The following DARS1 variants were observed in gnomAD, a reference collection of about 807,000 sequenced individuals.
The protein encoded by DARS1 is aspartate--tRNA ligase, cytoplasmic.
A neutral mutation model predicts 68.8 loss-of-function variants in DARS1; 51 were observed. The ratio of observed to expected loss-of-function variants is 0.74; its 90% CI spans 0.59 to 0.94. The LOEUF (loss-of-function observed/expected upper bound fraction) is 0.94. DARS1 is among the 40% of genes least tolerant of loss of function. The pLI is 0.00. For missense variants in DARS1, 607 were observed against 597.3 expected (o/e 1.02, Z -0.17); for synonymous variants, 203 against 190.4 (o/e 1.07, Z -0.55).
In DARS1 at chr2:135,922,785, T is replaced by C. The variant is rs767286253; in HGVS notation, c.810A>G (p.Pro270=). Residue 270 remains proline, a splice_region_variant and synonymous_variant, in exon 9 of 16, where the codon CCA becomes CCG. Coordinates refer to ENST00000264161, the MANE Select transcript of DARS1 (RefSeq NM_001349.4). ...ADFEKVFSIG[P]VFRAEDSNTH... ...AAAACATAACTGCCAAAATCTTACCTGGTCCAATAGAGAAAACCTTCTCAA... is the reference window on the plus strand; with the variant it reads ...AAAACATAACTGCCAAAATCTTACCCGGTCCAATAGAGAAAACCTTCTCAA... The C allele has an allele frequency of 1.3e-6, 2 of 1,541,862 alleles. No individual in the cohort carries two copies. The highest frequency in any genetic ancestry group is 1.7e-6 in the Non-Finnish European group (2 of 1,151,230).
At position 135,985,504 on chromosome 2, in the gene DARS1, C is replaced by G; in HGVS notation, c.-36G>C. 1 of 1,613,982 alleles carries G rather than the reference C, an allele frequency of 6.2e-7. No homozygotes were observed. The highest frequency in any genetic ancestry group is 8.5e-7 in the Non-Finnish European group (1 of 1,179,950). On this transcript the variant is annotated 5_prime_UTR_variant, in exon 1 of 16. Coordinates refer to ENST00000264161, the MANE Select transcript of DARS1 (RefSeq NM_001349.4). ...AACTGGGCAGTGGACACCACCCTCC[C>G]TCGCAGGCTTCCGTAAGGCAGGCCA...
chr2:135,907,501 T>C (rs1680813990), intron 15 of DARS1, 94 bp from the exon 16 acceptor site: 4 of 779,648 alleles, frequency 5.1e-6, no homozygotes, highest in South Asian at 1.8e-5. Flanking sequence ...TTAAACTAAA[T>C]ACTTTTCCTT....
At chr2:135,945,460 T>C (rs947528121) in intron 4 of DARS1, among the ~76,000 whole-genome samples, 3 of 152,120 alleles carry the variant, frequency 2.0e-5, no homozygotes, top group African/African-American at 7.2e-5. Context: ...CTGAGCGTCA[T>C]GCTAGTATCC....
intron 3 of DARS1, among the ~76,000 whole-genome samples, chr2:135,973,571 A>G (rs562723215): frequency 4.6e-5 from 7 of 152,040 alleles, no homozygotes; most frequent in African/African-American, 1.7e-4. Context: ...TAAAAGAATG[A>G]CTGGGTGTCG....
At chr2:135,927,769 G>A (rs1406641216) in intron 7 of DARS1, among the ~76,000 whole-genome samples, 1 of 152,040 alleles carries the variant, frequency 6.6e-6, no homozygotes, top group Non-Finnish European at 1.5e-5. Flanking sequence ...CCCAGTCCTT[G>A]AACTTTAGTT....
chr2:135,910,200 A>G (rs1575380753), intron 15 of DARS1, among the ~76,000 whole-genome samples: 2 of 152,162 alleles, frequency 1.3e-5, no homozygotes, highest in South Asian at 4.1e-4. Context: ...GAATTTCTGA[A>G]TCATATGGTA....
Position 135,985,617 on chromosome 2 carries a change from C to T in DARS1, c.-149G>A. ...TCGGACTCCGCGTGGAGGTGCGGCT[C>T]CAGAAAGATCGCGAGAGCTGCGGCT... is the stretch of plus-strand genomic sequence containing the variant. On this transcript the variant is annotated 5_prime_UTR_variant, in exon 1 of 16. Transcript: ENST00000264161. 1 of 1,489,154 alleles carries T rather than the reference C, an allele frequency of 6.7e-7. No homozygotes were observed. Among genetic ancestry groups the T allele is most frequent in the Non-Finnish European group, 9.0e-7 (1 of 1,111,424 alleles). 92.2% of individuals were successfully genotyped at this position (1,489,154 alleles called of 1,614,324 possible).
chr2:135,963,218 G>C (rs1365633851), intron 3 of DARS1, among the ~76,000 whole-genome samples: 1 of 152,164 alleles, frequency 6.6e-6, no homozygotes, highest in African/African-American at 2.4e-5. Context: ...TTCCTATGAA[G>C]GGGCCTGTGG....
chr2:135,946,615 G>A (rs1047525759), intron 4 of DARS1, among the ~76,000 whole-genome samples: 7 of 152,158 alleles, frequency 4.6e-5, no homozygotes, highest in African/African-American at 1.7e-4. Flanking sequence ...CATAAACCCT[G>A]AGAAATGGCT....
intron 8 of DARS1, among the ~76,000 whole-genome samples, chr2:135,923,743 C>T (rs1681154614): frequency 6.6e-6 from 1 of 152,134 alleles, no homozygotes; most frequent in African/African-American, 2.4e-5. Context: ...ATTAGCCAGG[C>T]GTGGTGGCTC....
rs561898335 is a variant in DARS1 at position 135,926,383 on chromosome 2, G to A, written c.565-1885C>T. On this transcript the variant is annotated intron_variant, in intron 7 of 15. Transcript: ENST00000264161. ...CGGATCTGTCATATATAAGAAAAAT[G>A]ATTTTTTTCTCATTAGTTTCTTCAA... 2.0e-4 allele frequency among the ~76,000 whole-genome samples: 30 copies of A among 152,214 alleles called. No homozygotes were observed. In the South Asian group the frequency reaches 6.0e-3, roughly 31 times the overall value.
chr2:135,933,202 A>G (rs1681391866), intron 6 of DARS1, among the ~76,000 whole-genome samples: 2 of 152,232 alleles, frequency 1.3e-5, no homozygotes, highest in Non-Finnish European at 2.9e-5. Context: ...GCTGACATAG[A>G]GTAGTGGTTC....
intron 3 of DARS1, 29 bp from the exon 4 acceptor site, chr2:135,961,527 A>T: frequency 9.5e-7 from 1 of 1,048,186 alleles, no homozygotes; most frequent in South Asian, 1.3e-5. Context: ...ACACAAATGT[A>T]TTAAGGACAC....
chr2:135,926,641 A>G (rs1681218231), intron 7 of DARS1, among the ~76,000 whole-genome samples: 1 of 152,258 alleles, frequency 6.6e-6, no homozygotes, highest in African/African-American at 2.4e-5. Context: ...AAAAGTAAAT[A>G]ACAAGAAAGA....
chr2:135,936,021 T>C (rs1215014264), intron 5 of DARS1, among the ~76,000 whole-genome samples: 1 of 152,226 alleles, frequency 6.6e-6, no homozygotes, highest in Non-Finnish European at 1.5e-5. Flanking sequence ...ACTGGAGAGC[T>C]GAAGAGCTGC....
rs1307956766 is a variant in DARS1, at chr2:135,933,996, A to T, written c.424-6T>A. ...GCCAAACTGATCACATAAATCTGTA[A>T]GTGAGAGATTACCAAAAATAGTAGA... On this transcript the variant is annotated splice_polypyrimidine_tract_variant and splice_region_variant and intron_variant, in intron 5 of 15. Coordinates refer to ENST00000264161, the MANE Select transcript of DARS1 (RefSeq NM_001349.4). 1 of 1,609,998 alleles carries T rather than the reference A, an allele frequency of 6.2e-7. No homozygotes were observed. The highest frequency in any genetic ancestry group is 8.5e-7 in the Non-Finnish European group (1 of 1,177,284).
chr2:135,943,223 G>A, intron 5 of DARS1, 155 bp downstream of exon 5: 1 of 1,079,320 alleles, frequency 9.3e-7, no homozygotes, highest in Non-Finnish European at 1.3e-6. Context: ...AAGTACTGGG[G>A]TGATTTGTTA....
At chr2:135,922,971 A>G in intron 8 of DARS1, 53 bp from the exon 9 acceptor site, 1 of 1,359,352 alleles carries the variant, frequency 7.4e-7, no homozygotes, top group Non-Finnish European at 9.5e-7. Context: ...TAAACTTATC[A>G]ATGCAAACCT....
chr2:135,926,674 T>C (rs998397450), intron 7 of DARS1, among the ~76,000 whole-genome samples: 7 of 152,214 alleles, frequency 4.6e-5, no homozygotes, highest in African/African-American at 1.7e-4. Flanking sequence ...TCAAAATACA[T>C]CTTCAACTAT....
Sources: gnomAD v4.1 joint callset for allele counts (sites outside exome capture counted in the v4.1 genomes callset) on GRCh38, gnomAD v4.1.1 for gene constraint, MANE v1.5 for transcripts, NCBI Gene and HGNC (gene_info 2026-07-23, HGNC 2026-07-21) for gene names.